Variants in PKNOX1 observed in about 807,000 individuals in gnomAD.
PKNOX1 encodes homeobox protein PKNOX1.
Under a neutral mutation model 51.9 loss-of-function variants are expected in PKNOX1, and 15 were observed. The observed-to-expected ratio is 0.29, with a 90% CI of 0.19 to 0.45. The LOEUF (loss-of-function observed/expected upper bound fraction) is 0.45, where lower values mean the gene tolerates loss of function less well. PKNOX1 is among the 20% of genes least tolerant of loss of function. The probability of loss-of-function intolerance (pLI) is 1.00; values close to 1 mark genes in which losing one functional copy is unlikely to be tolerated. For synonymous variants in PKNOX1, 219 were observed against 211.1 expected, an observed-to-expected ratio of 1.04 and a Z score of -0.32; for missense variants, 462 against 547.5, an observed-to-expected ratio of 0.84 and a Z score of 1.56.
intron 3 of PKNOX1, among the ~76,000 whole-genome samples, chr21:43,008,092 C>CACACACAT (rs1330993103): frequency 1.3e-5 from 2 of 151,728 alleles, no homozygotes; most frequent in Non-Finnish European, 2.9e-5. Context: ...CACACACACA[C>CACACACAT]ACACAAAGAT....
At chr21:43,002,862 G>T (rs150916983) in intron 1 of PKNOX1, among the ~76,000 whole-genome samples, 1 of 152,228 alleles carries the variant, frequency 6.6e-6, no homozygotes, top group Middle Eastern at 3.4e-3. Context: ...GACTATAGGC[G>T]CATGCCACCA....
In PKNOX1 at chr21:42,996,303, G is replaced by A. The variant is rs373717808; in HGVS notation, c.-56-8023G>A. Among the ~76,000 whole-genome samples, 8 of 152,306 alleles carry A rather than the reference G, an allele frequency of 5.3e-5. No individual in the cohort carries two copies. In the South Asian group the frequency reaches 6.2e-4, roughly 12 times the overall value. ...TGTAGTGGGGGAGACCTAGGAGCAG[G>A]AGTGGGGGCCATGGACGGAAAATTT... On this transcript the variant is annotated intron_variant, in intron 1 of 10. Transcript: ENST00000291547.
intron 5 of PKNOX1, among the ~76,000 whole-genome samples, chr21:43,016,311 A>T (rs1332209215): frequency 1.3e-5 from 2 of 152,192 alleles, no homozygotes; most frequent in East Asian, 3.8e-4. Flanking sequence ...AAACATTTGC[A>T]TGGGGCTCGC....
intron 1 of PKNOX1, among the ~76,000 whole-genome samples, chr21:42,980,969 C>T (rs950659749): frequency 3.3e-5 from 5 of 152,168 alleles, no homozygotes; most frequent in Admixed American, 1.3e-4. Flanking sequence ...TTCTTTACTT[C>T]CTCAAATGAT....
intron 1 of PKNOX1, among the ~76,000 whole-genome samples, chr21:42,989,592 C>T (rs1278460866): frequency 6.6e-6 from 1 of 151,706 alleles, no homozygotes; most frequent in Non-Finnish European, 1.5e-5. Context: ...CTAATTTTTG[C>T]ATTTTTAGTA....
intron 1 of PKNOX1, among the ~76,000 whole-genome samples, chr21:42,994,379 G>T (rs1200261775): frequency 5.9e-4 from 1 of 1,696 alleles, no homozygotes; most frequent in Non-Finnish European, 1.1e-3. Flanking sequence ...GTTTCACCAT[G>T]TTGGCCAGAC....
chr21:43,007,712 A>C (rs1979061334), intron 3 of PKNOX1, 94 bp downstream of exon 3: 12 of 1,377,556 alleles, frequency 8.7e-6, no homozygotes, highest in Non-Finnish European at 1.1e-5. Context: ...AGCGAGGCAG[A>C]GTTGTGAGGT....
chr21:42,978,490 T>TC lies in PKNOX1; in HGVS notation c.-57+3826_-57+3827insC, dbSNP rs1421687995. 1.2e-3 allele frequency among the ~76,000 whole-genome samples: 171 copies of TC among 147,910 alleles called. No homozygotes were observed. The Middle Eastern group carries it at 0.021, about 18-fold the overall frequency. On this transcript the variant is annotated intron_variant, in intron 1 of 10. Coordinates refer to ENST00000291547, the MANE Select transcript of PKNOX1 (RefSeq NM_004571.5). Reference sequence around the variant, plus strand: ...CTTGTTTTTTTCTTTTCTTTTCTTTTTTTTTTTTTTTTTGAGATGGAGTCG... The same window carrying TC: ...CTTGTTTTTTTCTTTTCTTTTCTTTTCTTTTTTTTTTTTTGAGATGGAGTCG...
chr21:43,000,291 G>C (rs1167114946), intron 1 of PKNOX1, among the ~76,000 whole-genome samples: 1 of 152,164 alleles, frequency 6.6e-6, no homozygotes. Flanking sequence ...TCATGCTGCT[G>C]ATAAAGACAT....
Position 43,021,647 on chromosome 21 carries a change from T to A in PKNOX1, c.849+216T>A, listed in dbSNP as rs536387631. ...TGCCGTGAAGGAGCACCCGAGCACA[T>A]GTGAGGCGTACACGTGTGTCCGAGA... is the stretch of plus-strand genomic sequence containing the variant. On this transcript the variant is annotated intron_variant, in intron 8 of 10. Coordinates refer to ENST00000291547, the MANE Select transcript of PKNOX1 (RefSeq NM_004571.5). This position sits in a 1 kb window ranked among gnomAD's most constrained non-coding sequence, Gnocchi z 4.6. Among the ~76,000 whole-genome samples, 15 of 152,210 alleles carry A rather than the reference T, an allele frequency of 9.9e-5. No homozygotes were observed. The highest frequency in any genetic ancestry group is 3.6e-4 in the African/African-American group (15 of 41,534).
intron 1 of PKNOX1, 124 bp from the exon 2 acceptor site, chr21:43,004,202 A>C: frequency 2.0e-6 from 1 of 499,560 alleles, no homozygotes; most frequent in East Asian, 3.7e-5. Context: ...GCGCCATTGC[A>C]CTCCAGCCTG....
intron 4 of PKNOX1, among the ~76,000 whole-genome samples, chr21:43,012,442 C>G (rs1158646384): frequency 6.6e-6 from 1 of 152,170 alleles, no homozygotes; most frequent in Non-Finnish European, 1.5e-5. Flanking sequence ...CACCTGTAAT[C>G]CCAGCTACTC....
At chr21:42,977,072 C>T (rs892340261) in intron 1 of PKNOX1, among the ~76,000 whole-genome samples, 4 of 152,116 alleles carry the variant, frequency 2.6e-5, no homozygotes, top group South Asian at 2.1e-4. Context: ...TGTCAGTGAA[C>T]GGTAATATTT....
chr21:42,998,936 T>C lies in PKNOX1; in HGVS notation c.-56-5390T>C, dbSNP rs575213215. Among the ~76,000 whole-genome samples the C allele has an allele frequency of 3.9e-5, 6 of 152,300 alleles. No individual in the cohort carries two copies. In the South Asian group the frequency reaches 1.2e-3, roughly 32 times the overall value. On this transcript the variant is annotated intron_variant, in intron 1 of 10. Coordinates refer to ENST00000291547, the MANE Select transcript of PKNOX1 (RefSeq NM_004571.5). ...GGTCTGGAGGACAGTGGCCATCTTC[T>C]CACAGCTCCACTAGGCAGTGCCCCA...
chr21:42,979,111 G>A lies in PKNOX1; in HGVS notation c.-57+4447G>A, dbSNP rs1397236580. ...AAGTGAGGTCTCATTATGTTGCCTC[G>A]GCTGTCTCTTAAGTTCCTTTCCAGA... is the stretch of plus-strand genomic sequence containing the variant. On this transcript the variant is annotated intron_variant, in intron 1 of 10. Coordinates refer to ENST00000291547, the MANE Select transcript of PKNOX1 (RefSeq NM_004571.5). Among the ~76,000 whole-genome samples the A allele has an allele frequency of 2.0e-5, 3 of 152,134 alleles. No homozygotes were observed. The South Asian group carries it at 6.2e-4, about 32-fold the overall frequency.
rs562222817 is a variant in PKNOX1 at position 43,001,540 on chromosome 21, G to T, written c.-56-2786G>T. Among the ~76,000 whole-genome samples the T allele has an allele frequency of 1.2e-4, 19 of 152,272 alleles. No individual in the cohort carries two copies. In the South Asian group the frequency reaches 3.7e-3, roughly 30 times the overall value. ...CACCTGGTTCTTTTGCTGTCCCATG[G>T]CAGTTCTTCATCCTGTGCTGTGTCC... On this transcript the variant is annotated intron_variant, in intron 1 of 10. Coordinates refer to ENST00000291547, the MANE Select transcript of PKNOX1 (RefSeq NM_004571.5).
Position 43,021,473 on chromosome 21 carries a change from G to T in PKNOX1, c.849+42G>T. 1 of 1,553,082 alleles carries T rather than the reference G, an allele frequency of 6.4e-7. No homozygotes were observed. Among genetic ancestry groups the T allele is most frequent in the South Asian group, 1.2e-5 (1 of 84,178 alleles). ...CAGCCCTTGCCTTGCAGCCCTCTGC[G>T]ACGCTTGCTCTCTGGCTTATGTGTC... On this transcript the variant is annotated intron_variant, in intron 8 of 10. Coordinates refer to ENST00000291547, the MANE Select transcript of PKNOX1 (RefSeq NM_004571.5). This position sits in a 1 kb window ranked among gnomAD's most constrained non-coding sequence, Gnocchi z 4.6.
rs746895331 is a variant in PKNOX1, at chr21:43,018,194, A to G, written c.684A>G (p.Thr228=). 2 of 1,613,920 alleles carry G rather than the reference A, an allele frequency of 1.2e-6. No homozygotes were observed. The highest frequency in any genetic ancestry group is 1.1e-5 in the South Asian group (1 of 91,058). ...CCCAAGGCCAAGTGGTCACACAGAC[A>G]TTGTCGCCTGGGACAATTAGGATCC... The part of the protein sequence containing the change: ...VTPQGQVVTQ[T]LSPGTIRIQN... The change falls in exon 7 of 11, where the codon ACA becomes ACG. Residue 228 remains threonine (T), a synonymous_variant. Transcript: ENST00000291547.
At chr21:42,975,260 CGGCCGT>C (rs1203568067) in intron 1 of PKNOX1, among the ~76,000 whole-genome samples, 1 of 143,300 alleles carries the variant, frequency 7.0e-6, no homozygotes, top group Admixed American at 7.2e-5. Context: ...GCCCCGGCCT[CGGCCGT>C]GGCGAGCGGG....
Sources: gnomAD v4.1 joint callset for allele counts (sites outside exome capture counted in the v4.1 genomes callset) on GRCh38, gnomAD v4.1.1 for gene constraint, Gnocchi (gnomAD v3.1) non-coding constraint, MANE v1.5 for transcripts, NCBI Gene and HGNC (gene_info 2026-07-23, HGNC 2026-07-21) for gene names.